NALF1: variants seen among roughly 807,000 people sequenced by gnomAD.
NALF1 encodes NALCN channel auxiliary factor 1.
In NALF1, 3 loss-of-function variants were observed where a neutral mutation model predicts 48.4. The observed-to-expected ratio is 0.06, with a 90% CI of 0.03 to 0.16. The LOEUF is 0.16. NALF1 is among the 10% of genes least tolerant of loss of function. The pLI, the probability that NALF1 is intolerant of heterozygous loss-of-function variation, is 1.00. For missense variants in NALF1, 526 were observed against 571.5 expected, an observed-to-expected ratio of 0.92 and a Z score of 0.81; for synonymous variants, 262 against 245.7, an observed-to-expected ratio of 1.07 and a Z score of -0.62.
At chr13:107,346,142 C>T (rs1370936617) in intron 1 of NALF1, among the ~76,000 whole-genome samples, 1 of 151,590 alleles carries the variant, frequency 6.6e-6, no homozygotes, top group Non-Finnish European at 1.5e-5. Flanking sequence ...TGAGGAGAAA[C>T]GGGAAACATT....
intron 1 of NALF1, among the ~76,000 whole-genome samples, chr13:107,321,287 G>C (rs180701274): frequency 1.3e-5 from 2 of 152,084 alleles, no homozygotes; most frequent in Admixed American, 1.3e-4. Flanking sequence ...CTGGCTAAAG[G>C]AACAGAACAG....
At chr13:107,484,595 T>C (rs1160699844) in intron 1 of NALF1, among the ~76,000 whole-genome samples, 2 of 152,134 alleles carry the variant, frequency 1.3e-5, no homozygotes, top group Non-Finnish European at 2.9e-5. Flanking sequence ...CCAACACATA[T>C]TGTTGAACGA....
intron 1 of NALF1, among the ~76,000 whole-genome samples, chr13:107,768,578 C>G (rs190305658): frequency 7.6e-4 from 115 of 152,168 alleles, no homozygotes; most frequent in Non-Finnish European, 1.4e-3. Flanking sequence ...GAATCATTCT[C>G]GGAATAACTT....
In NALF1 at chr13:107,783,909, A is replaced by G. The variant is rs1419053011; in HGVS notation, c.915+81773T>C. 2.0e-5 allele frequency among the ~76,000 whole-genome samples: 3 copies of G among 151,414 alleles called. No individual in the cohort carries two copies. The East Asian group carries it at 5.8e-4, about 29-fold the overall frequency. ...AAAAAAAGAAAATCTTATAAAAACC[A>G]TTTACTGTGAGAGATGCACTCACTT... On this transcript the variant is annotated intron_variant, in intron 1 of 2. Transcript: ENST00000375915.
At chr13:107,832,271 T>C (rs1323623027) in intron 1 of NALF1, among the ~76,000 whole-genome samples, 1 of 151,708 alleles carries the variant, frequency 6.6e-6, no homozygotes, top group Non-Finnish European at 1.5e-5. Context: ...ATCCATTCTA[T>C]TTAAGTAAAA....
At chr13:107,816,646 T>C (rs752347530) in intron 1 of NALF1, among the ~76,000 whole-genome samples, 8 of 152,126 alleles carry the variant, frequency 5.3e-5, no homozygotes, top group Non-Finnish European at 1.2e-4. Context: ...AGGTGAATTA[T>C]ATAACAGTAA....
At chr13:107,626,349 G>A (rs754333722) in intron 1 of NALF1, among the ~76,000 whole-genome samples, 1 of 151,980 alleles carries the variant, frequency 6.6e-6, no homozygotes, top group Non-Finnish European at 1.5e-5. Flanking sequence ...ATACAGAACA[G>A]TATGAAAGTT....
intron 1 of NALF1, among the ~76,000 whole-genome samples, chr13:107,277,227 C>T (rs527793546): frequency 6.6e-6 from 1 of 152,178 alleles, no homozygotes; most frequent in South Asian, 2.1e-4. Context: ...ATTTTGAAGA[C>T]TATATTTTAA....
intron 1 of NALF1, among the ~76,000 whole-genome samples, chr13:107,764,464 CAGAG>C (rs754650185): frequency 1.3e-5 from 2 of 151,786 alleles, no homozygotes. Context: ...CGTATGTAGA[CAGAG>C]AGAGAGAAAG....
chr13:107,198,821 C>T (rs951089129), intron 2 of NALF1, among the ~76,000 whole-genome samples: 5 of 152,154 alleles, frequency 3.3e-5, no homozygotes, highest in Non-Finnish European at 7.3e-5. Flanking sequence ...GGCTTGTAGA[C>T]GATCATCTTC....
At chr13:107,382,355 CT>C (rs1484232732) in intron 1 of NALF1, among the ~76,000 whole-genome samples, 15 of 152,150 alleles carry the variant, frequency 9.9e-5, no homozygotes, top group Admixed American at 5.9e-4. Flanking sequence ...GCTAAATATT[CT>C]CATTAATATT....
chr13:107,531,209 G>T, intron 1 of NALF1: 1 of 169,190 alleles, frequency 5.9e-6, no homozygotes. Context: ...AATCCCCAAT[G>T]CTGGAGGTGG....
chr13:107,607,632 C>T (rs1481202517), intron 1 of NALF1, among the ~76,000 whole-genome samples: 1 of 152,132 alleles, frequency 6.6e-6, no homozygotes. Context: ...CTCCTCCCTC[C>T]TGCTCTGTGA....
intron 1 of NALF1, among the ~76,000 whole-genome samples, chr13:107,708,522 A>G (rs1875470704): frequency 7.7e-6 from 1 of 129,702 alleles, no homozygotes; most frequent in South Asian, 2.8e-4. Context: ...ACAAGCTGTA[A>G]TTATTTTAAG....
At chr13:107,827,543 G>A (rs1879557846) in intron 1 of NALF1, among the ~76,000 whole-genome samples, 2 of 152,216 alleles carry the variant, frequency 1.3e-5, no homozygotes, top group Admixed American at 6.5e-5. Flanking sequence ...CCATCGGGCA[G>A]TGTTAGAATC....
At chr13:107,430,926 A>AGT (rs1321608794) in intron 1 of NALF1, among the ~76,000 whole-genome samples, 2 of 152,164 alleles carry the variant, frequency 1.3e-5, no homozygotes, top group African/African-American at 4.8e-5. Flanking sequence ...ACAGTGTAAA[A>AGT]GTGTTCCTAT....
intron 1 of NALF1, among the ~76,000 whole-genome samples, chr13:107,844,813 A>AT (rs1336560752): frequency 1.3e-5 from 2 of 152,176 alleles, no homozygotes; most frequent in Non-Finnish European, 2.9e-5. Flanking sequence ...AACTGTGCCT[A>AT]ATTTCCTCAA....
intron 1 of NALF1, among the ~76,000 whole-genome samples, chr13:107,832,454 T>C (rs968394089): frequency 2.6e-5 from 4 of 152,272 alleles, no homozygotes; most frequent in Non-Finnish European, 5.9e-5. Flanking sequence ...TATTCATATT[T>C]GGGGTATATA....
rs1451366505 is a variant in NALF1 at position 107,362,872 on chromosome 13, G to A, written c.916-152117C>T. On this transcript the variant is annotated intron_variant, in intron 1 of 2. Transcript: ENST00000375915. The surrounding 1 kb of genome is among the most constrained non-coding windows in gnomAD (Gnocchi z 4.6). ...AGGTCTAAAGTAAGTGGAGGGATTG[G>A]GTTATCTATACATACCTTTAGGCTC... 6.6e-6 allele frequency among the ~76,000 whole-genome samples: 1 copy of A among 152,012 alleles called. No homozygotes were observed. The highest frequency in any genetic ancestry group is 2.4e-5 in the African/African-American group (1 of 41,390).
Sources: gnomAD v4.1 joint callset for allele counts (sites outside exome capture counted in the v4.1 genomes callset) on GRCh38, gnomAD v4.1.1 for gene constraint, Gnocchi (gnomAD v3.1) non-coding constraint, MANE v1.5 for transcripts, NCBI Gene and HGNC (gene_info 2026-07-23, HGNC 2026-07-21) for gene names.